The following EIF4E3 variants were observed in gnomAD, a reference collection of about 807,000 sequenced individuals.
EIF4E3 encodes the protein eukaryotic translation initiation factor 4E type 3.
A neutral mutation model predicts 31.7 loss-of-function variants in EIF4E3; 26 were observed. That is an observed-to-expected ratio of 0.82 (90% CI 0.60 to 1.14). The LOEUF (loss-of-function observed/expected upper bound fraction) is 1.14, where lower values mean the gene tolerates loss of function less well. EIF4E3 is among the 50% of genes most tolerant of loss of function. The pLI is 0.00. For missense variants in EIF4E3, 304 were observed against 270.9 expected (o/e 1.12, Z -0.86); for synonymous variants, 128 against 107.7 (o/e 1.19, Z -1.17).
chr3:71,699,548 A>G, intron 3 of EIF4E3, 66 bp downstream of exon 3: 1 of 1,372,104 alleles, frequency 7.3e-7, no homozygotes, highest in East Asian at 2.3e-5. Context: ...AGGTGATATG[A>G]TCTTTTATGA....
chr3:71,710,468 T>C lies in EIF4E3; in HGVS notation c.193A>G (p.Thr65Ala), dbSNP rs1046318123. The C allele has an allele frequency of 9.0e-6, 14 of 1,552,082 alleles. No individual in the cohort carries two copies. The highest frequency in any genetic ancestry group is 2.0e-5 in the Admixed American group (1 of 50,982). Residue 65 changes from threonine (T) to alanine (A), a missense_variant, in exon 2 of 7, where the codon ACA (threonine) becomes GCA (alanine). Thr to Ala is a moderately conservative substitution (Grantham distance 58). Transcript: ENST00000425534. ...FWLDRSLPGA[T>A]AAECASNLKK... ...AGATTTGATGCGCACTCAGCTGCTGTGGCACCAGGGAGGGATCTAGGCAAG... is the reference window on the plus strand; with the variant it reads ...AGATTTGATGCGCACTCAGCTGCTGCGGCACCAGGGAGGGATCTAGGCAAG...
At chr3:71,664,506 G>A in the EIF4E3 span, among the ~76,000 whole-genome samples, 9 of 152,098 alleles carry the variant, frequency 5.9e-5, no homozygotes, top group Admixed American at 5.9e-4. Context: ...ACAGTGATTG[G>A]CTCAGGAAAA....
In EIF4E3 at chr3:71,682,397, A is replaced by T. The variant is rs951763890; in HGVS notation, c.*2285T>A. 3.3e-5 allele frequency: 5 copies of T among 152,230 alleles called. No homozygotes were observed. Among genetic ancestry groups the T allele is most frequent in the African/African-American group, 1.2e-4 (5 of 41,462 alleles). The allele number at this position is 152,230 out of a possible 1,614,324, so 9.4% of individuals were successfully genotyped here. A position where few individuals can be genotyped will look rare whatever the true frequency, so the allele number is the denominator to read the frequency against. On this transcript the variant is annotated 3_prime_UTR_variant, in exon 7 of 7. Transcript: ENST00000425534. ...CCTTAACACAAAAGTCACATGCCCC[A>T]CAAAATATTTCCTTCTATCTCAAAA...
intron 1 of EIF4E3, among the ~76,000 whole-genome samples, chr3:71,740,714 T>C (rs927667090): frequency 1.3e-5 from 2 of 151,996 alleles, no homozygotes; most frequent in Admixed American, 6.5e-5. Flanking sequence ...GCCTGGACGA[T>C]AGAGCAAGAC....
At chr3:71,702,363 A>G (rs1578350022) in intron 2 of EIF4E3, among the ~76,000 whole-genome samples, 1 of 152,168 alleles carries the variant, frequency 6.6e-6, no homozygotes, top group African/African-American at 2.4e-5. Flanking sequence ...GCAAACTTCA[A>G]GTCTCCTCAA....
chr3:71,686,469 A>G (rs1000816182), intron 6 of EIF4E3, among the ~76,000 whole-genome samples: 7 of 151,990 alleles, frequency 4.6e-5, no homozygotes, highest in African/African-American at 1.7e-4. Context: ...CCATACTCCT[A>G]AGGGCAGCCT....
chr3:71,754,667 C>G, upstream of EIF4E3: 2 of 1,501,010 alleles, frequency 1.3e-6, no homozygotes, highest in Admixed American at 2.0e-5. This position sits in a 1 kb window ranked among gnomAD's most constrained non-coding sequence, Gnocchi z 5.8. Context: ...GCCTGCTCTT[C>G]TTCATCCACG....
chr3:71,694,631 T>A (rs2049109494), intron 4 of EIF4E3, among the ~76,000 whole-genome samples: 2 of 152,226 alleles, frequency 1.3e-5, no homozygotes, highest in South Asian at 2.1e-4. Context: ...CACACATTAC[T>A]TCCTTTGAAA....
intron 1 of EIF4E3, among the ~76,000 whole-genome samples, chr3:71,712,743 A>G (rs1430705178): frequency 4.6e-5 from 7 of 151,752 alleles, no homozygotes; most frequent in Admixed American, 1.3e-4. Context: ...TTTAAAGTTC[A>G]CTTCAATTTG....
At chr3:71,754,545 G>C (rs1288135382), upstream of EIF4E3, 1 of 1,350,290 alleles carries the variant, frequency 7.4e-7, no homozygotes, top group Non-Finnish European at 9.5e-7. The surrounding 1 kb of genome is among the most constrained non-coding windows in gnomAD (Gnocchi z 5.8). Flanking sequence ...CGGTGGCGAC[G>C]ACGAGGACGC....
rs751689850 is a variant in EIF4E3 at position 71,699,709 on chromosome 3, C to A, written c.250-1G>T. The A allele has an allele frequency of 6.2e-7, 1 of 1,609,680 alleles. No homozygotes were observed. The highest frequency in any genetic ancestry group is 8.5e-7 in the Non-Finnish European group (1 of 1,177,488). The stretch of plus-strand genomic sequence containing the variant: ...TATTATTGTATACACTCCAAAATAT[C>A]TTTAAAAGAAAAACAAACACTTTGT... On this transcript the variant is annotated splice_acceptor_variant, in intron 2 of 6. Transcript: ENST00000425534. LOFTEE classifies it high-confidence loss of function.
In EIF4E3 at chr3:71,684,533, T is replaced by G; in HGVS notation, c.*149A>C. 126 of 608,822 alleles carry G rather than the reference T, an allele frequency of 2.1e-4. No homozygotes were observed. Among genetic ancestry groups the G allele is most frequent in the East Asian group, 6.0e-4 (16 of 26,872 alleles). The allele number at this position is 608,822 out of a possible 1,614,324, so 37.7% of individuals were successfully genotyped here. On this transcript the variant is annotated 3_prime_UTR_variant, in exon 7 of 7. Transcript: ENST00000425534. Reference sequence around the variant, plus strand: ...ATCTCCCCCCACCCCACCTGCCACTTTGAGTCCTAATTGCCCATCTGCAAG... The same window carrying G: ...ATCTCCCCCCACCCCACCTGCCACTGTGAGTCCTAATTGCCCATCTGCAAG...
chr3:71,692,300 A>ATATG (rs1426267883), intron 5 of EIF4E3, among the ~76,000 whole-genome samples: 1 of 152,244 alleles, frequency 6.6e-6, no homozygotes, highest in Admixed American at 6.5e-5. Context: ...AAAGTGTCAT[A>ATATG]GCTAGTTAAT....
intron 6 of EIF4E3, 26 bp from the exon 7 acceptor site, chr3:71,684,754 A>AC (rs1477845255): frequency 6.2e-7 from 1 of 1,612,178 alleles, no homozygotes. Flanking sequence ...AAAACAAAAA[A>AC]GAAAAAAAGG....
intron 1 of EIF4E3, among the ~76,000 whole-genome samples, chr3:71,750,910 C>G (rs1228760979): frequency 6.6e-6 from 1 of 151,816 alleles, no homozygotes; most frequent in Admixed American, 6.6e-5. Context: ...ACTACAGGCG[C>G]CTGCCACCAT....
At chr3:71,710,887 T>C (rs1021856680) in intron 1 of EIF4E3, among the ~76,000 whole-genome samples, 8 of 152,196 alleles carry the variant, frequency 5.3e-5, no homozygotes, top group Non-Finnish European at 1.0e-4. Flanking sequence ...GGTGATATGT[T>C]TGCAAACTTG....
At chr3:71,691,646 T>C (rs2049065121) in intron 5 of EIF4E3, among the ~76,000 whole-genome samples, 1 of 152,214 alleles carries the variant, frequency 6.6e-6, no homozygotes, top group Admixed American at 6.5e-5. Flanking sequence ...TATGCTTACT[T>C]TGTGAATATT....
intron 1 of EIF4E3, among the ~76,000 whole-genome samples, chr3:71,711,805 CA>C (rs2049383156): frequency 6.6e-6 from 1 of 152,032 alleles, no homozygotes; most frequent in Non-Finnish European, 1.5e-5. Flanking sequence ...GGTGAAAACC[CA>C]CCTCTACTAA....
intron 1 of EIF4E3, among the ~76,000 whole-genome samples, chr3:71,724,478 A>G (rs1458096943): frequency 3.3e-5 from 5 of 152,216 alleles, no homozygotes; most frequent in Admixed American, 3.3e-4. Flanking sequence ...TTTCTATTTT[A>G]GATACGGTAG....
Sources: gnomAD v4.1 joint callset for allele counts (sites outside exome capture counted in the v4.1 genomes callset) on GRCh38, gnomAD v4.1.1 for gene constraint, Gnocchi (gnomAD v3.1) non-coding constraint, MANE v1.5 for transcripts, NCBI Gene and HGNC (gene_info 2026-07-23, HGNC 2026-07-21) for gene names.